ITGA9: variants seen among roughly 807,000 people sequenced by gnomAD.
The protein encoded by ITGA9 is integrin subunit alpha 9.
A neutral mutation model predicts 127.8 loss-of-function variants in ITGA9; 56 were observed. The observed-to-expected ratio is 0.44, with a 90% CI of 0.35 to 0.55. The LOEUF is 0.55. Among genes scored for constraint, ITGA9 ranks in the 20% least tolerant of loss-of-function variants. The pLI is 0.00. For synonymous variants in ITGA9, 508 were observed against 514.5 expected (o/e 0.99, Z 0.17); for missense variants, 1,196 against 1,347.1 (o/e 0.89, Z 1.76).
intron 17 of ITGA9, among the ~76,000 whole-genome samples, chr3:37,655,301 A>T (rs1700466736): frequency 6.6e-6 from 1 of 152,034 alleles, no homozygotes; most frequent in South Asian, 2.1e-4. Flanking sequence ...ACTAATTTAC[A>T]CTCCCACCAA....
At chr3:37,696,727 T>C (rs1357226506) in intron 18 of ITGA9, among the ~76,000 whole-genome samples, 2 of 152,264 alleles carry the variant, frequency 1.3e-5, no homozygotes, top group African/African-American at 4.8e-5. Flanking sequence ...ATGATATTTC[T>C]GTTAATGTGG....
intron 5 of ITGA9, 86 bp from the exon 6 acceptor site, chr3:37,503,092 C>A: frequency 6.6e-7 from 1 of 1,514,558 alleles, no homozygotes; most frequent in Non-Finnish European, 9.1e-7. Context: ...GGAATTTCTC[C>A]TTTGTTGTGA....
chr3:37,496,920 C>T (rs1698736705), intron 5 of ITGA9, among the ~76,000 whole-genome samples: 1 of 152,206 alleles, frequency 6.6e-6, no homozygotes, highest in Admixed American at 6.5e-5. Context: ...AATTTTGATA[C>T]ATGTTGGCAA....
At chr3:37,755,761 G>C (rs199614007) in intron 23 of ITGA9, among the ~76,000 whole-genome samples, 3 of 151,932 alleles carry the variant, frequency 2.0e-5, no homozygotes, top group South Asian at 4.2e-4. Flanking sequence ...CATAATATAA[G>C]AGTTAGAAGT....
intron 3 of ITGA9, among the ~76,000 whole-genome samples, chr3:37,479,683 C>T (rs1212491547): frequency 6.6e-6 from 1 of 152,036 alleles, no homozygotes; most frequent in African/African-American, 2.4e-5. Context: ...CAGGCCTGCC[C>T]CAGGGGGTGG....
chr3:37,764,380 A>G (rs1475045388), intron 23 of ITGA9, among the ~76,000 whole-genome samples: 1 of 145,540 alleles, frequency 6.9e-6, no homozygotes, highest in Admixed American at 7.3e-5. Context: ...CTATCTGAGA[A>G]CTTTAGTCCT....
chr3:37,473,502 C>A, intron 3 of ITGA9, 42 bp downstream of exon 3: 2 of 1,432,756 alleles, frequency 1.4e-6, no homozygotes, highest in Non-Finnish European at 2.0e-6. Flanking sequence ...GGGTGGCACT[C>A]TGAGAATGAA....
In ITGA9 at chr3:37,541,338, C is replaced by T. The variant is rs1448786632; in HGVS notation, c.1529-1087C>T. 2.0e-5 allele frequency among the ~76,000 whole-genome samples: 3 copies of T among 152,174 alleles called. No individual in the cohort carries two copies. The South Asian group carries it at 6.2e-4, about 32-fold the overall frequency. ...TCTCACTTTAAAAATAACATATTTCCTTGAATCCCCAAAACAGTTAAAAAA... is the reference window on the plus strand; with the variant it reads ...TCTCACTTTAAAAATAACATATTTCTTTGAATCCCCAAAACAGTTAAAAAA... On this transcript the variant is annotated intron_variant, in intron 14 of 27. Coordinates refer to ENST00000264741, the MANE Select transcript of ITGA9 (RefSeq NM_002207.3).
chr3:37,662,543 C>T (rs1242399343), intron 17 of ITGA9, among the ~76,000 whole-genome samples: 1 of 152,162 alleles, frequency 6.6e-6, no homozygotes, highest in African/African-American at 2.4e-5. Flanking sequence ...GCTCCTCTCT[C>T]CAACCATAAC....
intron 17 of ITGA9, among the ~76,000 whole-genome samples, chr3:37,666,428 G>A (rs553478305): frequency 3.3e-5 from 5 of 152,326 alleles, no homozygotes; most frequent in African/African-American, 9.6e-5. Context: ...TGATTCTGTG[G>A]CCAGCTGTTG....
At chr3:37,731,372 C>A (rs76495059) in intron 18 of ITGA9, among the ~76,000 whole-genome samples, 1 of 152,150 alleles carries the variant, frequency 6.6e-6, no homozygotes. Context: ...CTAACGCTGG[C>A]GATCCTGGGT....
intron 18 of ITGA9, among the ~76,000 whole-genome samples, chr3:37,705,227 G>A (rs1215473351): frequency 1.3e-5 from 2 of 152,182 alleles, no homozygotes; most frequent in Non-Finnish European, 2.9e-5. Context: ...CAAAAAATTT[G>A]ACCTTAATGA....
At chr3:37,463,935 T>C (rs1698343110) in intron 1 of ITGA9, among the ~76,000 whole-genome samples, 1 of 152,206 alleles carries the variant, frequency 6.6e-6, no homozygotes, top group African/African-American at 2.4e-5. Context: ...AATACATGTG[T>C]CACAGTAATC....
intron 1 of ITGA9, among the ~76,000 whole-genome samples, chr3:37,470,508 A>G (rs1698419486): frequency 1.3e-5 from 2 of 152,134 alleles, no homozygotes; most frequent in Middle Eastern, 3.2e-3. Context: ...TGAAGTATCT[A>G]TGCTTGTCTT....
At chr3:37,493,873 C>T (rs1008876228) in intron 4 of ITGA9, among the ~76,000 whole-genome samples, 1 of 152,188 alleles carries the variant, frequency 6.6e-6, no homozygotes, top group African/African-American at 2.4e-5. Context: ...CAGAACGCCC[C>T]CATTTGTTGG....
At chr3:37,604,869 A>C (rs1396913356) in intron 15 of ITGA9, among the ~76,000 whole-genome samples, 1 of 152,170 alleles carries the variant, frequency 6.6e-6, no homozygotes. Context: ...TCTAAGGCTC[A>C]TGGGTGAGGC....
intron 15 of ITGA9, among the ~76,000 whole-genome samples, chr3:37,599,484 C>T (rs1455085807): frequency 6.6e-6 from 1 of 152,206 alleles, no homozygotes; most frequent in Non-Finnish European, 1.5e-5. Context: ...GAGGCATGGG[C>T]TTCAGAAGTG....
intron 5 of ITGA9, among the ~76,000 whole-genome samples, chr3:37,496,078 A>T (rs1330881565): frequency 6.6e-6 from 1 of 152,174 alleles, no homozygotes; most frequent in Non-Finnish European, 1.5e-5. Context: ...TTCCAAAGTG[A>T]GGGCCCCTCC....
chr3:37,519,208 A>G, intron 10 of ITGA9, 52 bp from the exon 11 acceptor site: 1 of 1,342,932 alleles, frequency 7.4e-7, no homozygotes, highest in African/African-American at 1.4e-5. Flanking sequence ...GGGAAGCTGC[A>G]CTTGTATTAT....
Sources: allele counts gnomAD v4.1 joint callset (sites outside exome capture counted in the v4.1 genomes callset), GRCh38; gene constraint gnomAD v4.1.1; transcripts MANE v1.5; gene names NCBI Gene and HGNC (gene_info 2026-07-23, HGNC 2026-07-21).